The following LRCH3 variants were observed in gnomAD, a reference collection of about 807,000 sequenced individuals.
LRCH3 encodes leucine rich repeats and calponin homology domain containing 3.
LRCH3 carries 68 observed loss-of-function variants against 104.5 expected under a neutral mutation model. The observed-to-expected ratio is 0.65, with a 90% CI of 0.54 to 0.80. LRCH3 has a LOEUF of 0.80. LRCH3 is among the 30% of genes least tolerant of loss of function. The pLI, the probability that LRCH3 is intolerant of heterozygous loss-of-function variation, is 0.00. For synonymous variants in LRCH3, 344 were observed against 361.3 expected (o/e 0.95, Z 0.54); for missense variants, 951 against 953.9 (o/e 1.00, Z 0.04).
chr3:197,821,476 A>G (rs889556120), intron 4 of LRCH3, among the ~76,000 whole-genome samples: 1 of 152,220 alleles, frequency 6.6e-6, no homozygotes, highest in Non-Finnish European at 1.5e-5. Context: ...ACCCAGCAGT[A>G]AGAGTCATCA....
chr3:197,857,547 GT>G (rs1265769483), intron 14 of LRCH3, among the ~76,000 whole-genome samples: 3 of 147,204 alleles, frequency 2.0e-5, no homozygotes, highest in African/African-American at 7.5e-5. Flanking sequence ...GCTAGTATCA[GT>G]TACACTGACA....
chr3:197,797,992 GC>G (rs1480793743), intron 1 of LRCH3, among the ~76,000 whole-genome samples: 1 of 151,966 alleles, frequency 6.6e-6, no homozygotes, highest in Non-Finnish European at 1.5e-5. Flanking sequence ...AGTGGCTCAC[GC>G]CTGTAACCCT....
At chr3:197,806,052 G>A (rs1732451009) in intron 1 of LRCH3, among the ~76,000 whole-genome samples, 2 of 151,788 alleles carry the variant, frequency 1.3e-5, no homozygotes, top group Non-Finnish European at 2.9e-5. Context: ...TCAGCCTCCC[G>A]AGTAGCTGGG....
chr3:197,809,709 C>G (rs1439243938), intron 1 of LRCH3, among the ~76,000 whole-genome samples: 1 of 151,892 alleles, frequency 6.6e-6, no homozygotes, highest in Non-Finnish European at 1.5e-5. Flanking sequence ...ATCCATTGAG[C>G]TTTTTCTGTG....
At chr3:197,866,081 T>C in intron 16 of LRCH3, 31 bp from the exon 17 acceptor site, 1 of 1,490,370 alleles carries the variant, frequency 6.7e-7, no homozygotes, top group Non-Finnish European at 9.4e-7. Context: ...TCATCTCCTT[T>C]AATCTCATTT....
At chr3:197,814,583 G>T (rs1733599516) in intron 1 of LRCH3, among the ~76,000 whole-genome samples, 1 of 152,194 alleles carries the variant, frequency 6.6e-6, no homozygotes, top group Admixed American at 6.5e-5. Flanking sequence ...TGGCCATTGG[G>T]AACAAAGATG....
chr3:197,807,672 T>C (rs1394743887), intron 1 of LRCH3, among the ~76,000 whole-genome samples: 1 of 152,204 alleles, frequency 6.6e-6, no homozygotes, highest in Non-Finnish European at 1.5e-5. Context: ...TTCTGTGTTC[T>C]TTTTCTTGCC....
intron 17 of LRCH3, 93 bp from the exon 18 acceptor site, chr3:197,870,067 C>T (rs1475017462): frequency 7.5e-7 from 1 of 1,327,546 alleles, no homozygotes; most frequent in Non-Finnish European, 1.1e-6. Context: ...AAGCCATGCA[C>T]TGCACTTGCA....
chr3:197,821,532 C>T (rs1356334517), intron 4 of LRCH3, among the ~76,000 whole-genome samples: 4 of 152,188 alleles, frequency 2.6e-5, no homozygotes, highest in African/African-American at 9.7e-5. Context: ...TTACTTTCCC[C>T]TGCACTATTC....
rs892390673 is a variant in LRCH3 at position 197,817,177 on chromosome 3, C to T, written c.409C>T (p.Arg137Trp). The change falls in exon 3 of 21, where the codon CGG becomes TGG. Residue 137 changes from arginine (R) to tryptophan (W), a missense_variant and splice_region_variant. Transcript: ENST00000425562. ...LQALTFLNIS[R>W]NQLSTLPVHL... ...CTCTCTTTCTACTTACCCATTTAGT[C>T]GGAACCAACTGTCAACATTGCCGGT... is the stretch of plus-strand genomic sequence containing the variant. 8.2e-6 allele frequency: 13 copies of T among 1,589,742 alleles called. No individual in the cohort carries two copies. Among genetic ancestry groups the T allele is most frequent in the East Asian group, 4.7e-5 (2 of 42,742 alleles).
Position 197,861,937 on chromosome 3 carries a change from C to T in LRCH3, c.1716+3032C>T, listed in dbSNP as rs187423819. Reference sequence around the variant, plus strand: ...TTCAGAAACCATTTTTACACGTCTCCTCTCCTCTGGCTTTGTTTTCATCAC... The same window carrying T: ...TTCAGAAACCATTTTTACACGTCTCTTCTCCTCTGGCTTTGTTTTCATCAC... On this transcript the variant is annotated intron_variant, in intron 15 of 20. Transcript: ENST00000425562. Among the ~76,000 whole-genome samples the T allele has an allele frequency of 4.6e-4, 70 of 152,318 alleles. No homozygotes were observed. The East Asian group carries it at 0.013, about 28-fold the overall frequency.
intron 8 of LRCH3, 109 bp from the exon 9 acceptor site, chr3:197,835,565 A>G (rs996846261): frequency 4.1e-5 from 54 of 1,324,858 alleles, no homozygotes; most frequent in Non-Finnish European, 5.2e-5. Flanking sequence ...CTTTCAAAAT[A>G]GAAAATCATG....
Position 197,858,871 on chromosome 3 carries a change from C to T in LRCH3, c.1682C>T (p.Thr561Ile), listed in dbSNP as rs1258653024. 4.3e-6 allele frequency: 7 copies of T among 1,613,836 alleles called. No individual in the cohort carries two copies. Among genetic ancestry groups the T allele is most frequent in the Non-Finnish European group, 5.9e-6 (7 of 1,179,880 alleles). ...SGLNQVGCAATLPHSSAFTPL... is the reference protein window; with the variant it reads ...SGLNQVGCAAILPHSSAFTPL... Reference sequence around the variant, plus strand: ...TTGAATCAAGTGGGCTGTGCTGCTACCCTGCCTCATTCTTCTGCCTTCACG... The same window carrying T: ...TTGAATCAAGTGGGCTGTGCTGCTATCCTGCCTCATTCTTCTGCCTTCACG... The change falls in exon 15 of 21, where the codon ACC becomes ATC. Residue 561 changes from threonine (T) to isoleucine (I), a missense_variant. Physicochemically the swap from Thr to Ile is moderately conservative, Grantham distance 89 (BLOSUM62 -1). Transcript: ENST00000425562.
chr3:197,808,891 G>A (rs1311182779), intron 1 of LRCH3, among the ~76,000 whole-genome samples: 2 of 81,244 alleles, frequency 2.5e-5, no homozygotes. Flanking sequence ...GTGACAGTGA[G>A]ACTGTCTCAG....
intron 8 of LRCH3, among the ~76,000 whole-genome samples, chr3:197,834,453 C>CT (rs375172069): frequency 1.8e-4 from 27 of 152,276 alleles, no homozygotes; most frequent in African/African-American, 6.5e-4. Flanking sequence ...TTTGTTTCTG[C>CT]TTAATTGACA....
intron 9 of LRCH3, among the ~76,000 whole-genome samples, chr3:197,839,003 C>T (rs942412775): frequency 6.6e-6 from 1 of 152,146 alleles, no homozygotes; most frequent in African/African-American, 2.4e-5. Flanking sequence ...GTGACCTCTT[C>T]GGTTCCTTTC....
In LRCH3 at chr3:197,875,789, C is replaced by A; in HGVS notation, c.2208+14C>A. On this transcript the variant is annotated intron_variant, in intron 20 of 20. Transcript: ENST00000425562. ...GGTGTACCTCAGGTAATAAATTTATCATTTTTTATGTTGCCTAAATAGACT... is the reference window on the plus strand; with the variant it reads ...GGTGTACCTCAGGTAATAAATTTATAATTTTTTATGTTGCCTAAATAGACT... 1 of 1,494,234 alleles carries A rather than the reference C, an allele frequency of 6.7e-7. No individual in the cohort carries two copies. Among genetic ancestry groups the A allele is most frequent in the Non-Finnish European group, 9.0e-7 (1 of 1,110,950 alleles). 92.6% of individuals were successfully genotyped at this position (1,494,234 alleles called of 1,614,324 possible). A position where few individuals can be genotyped will look rare whatever the true frequency, so the allele number is the denominator to read the frequency against.
chr3:197,817,363 T>TATATAGATAC, intron 3 of LRCH3, 61 bp downstream of exon 3: 1 of 52,134 alleles, frequency 1.9e-5, no homozygotes, highest in Non-Finnish European at 2.7e-5. Flanking sequence ...TGTGTGTGTA[T>TATATAGATAC]ATATATATAT....
intron 17 of LRCH3, among the ~76,000 whole-genome samples, chr3:197,867,120 T>C (rs1741578246): frequency 6.6e-6 from 1 of 151,646 alleles, no homozygotes; most frequent in Non-Finnish European, 1.5e-5. Flanking sequence ...ACTGAAAAAA[T>C]ACAAAAATTA....
Sources: gnomAD v4.1 joint callset for allele counts (sites outside exome capture counted in the v4.1 genomes callset) on GRCh38, gnomAD v4.1.1 for gene constraint, MANE v1.5 for transcripts, NCBI Gene and HGNC (gene_info 2026-07-23, HGNC 2026-07-21) for gene names.